The following NANOS3 variants were observed in gnomAD, a reference collection of about 807,000 sequenced individuals.
NANOS3 encodes the protein nanos homolog 3.
In NANOS3, 11 loss-of-function variants were observed where a neutral mutation model predicts 13.8. The ratio of observed to expected loss-of-function variants is 0.80; its 90% CI spans 0.50 to 1.32. The LOEUF (loss-of-function observed/expected upper bound fraction) is 1.32, where lower values mean the gene tolerates loss of function less well. Ranked by LOEUF, NANOS3 falls within the 40% of genes most tolerant of loss-of-function variation. NANOS3 has a pLI of 0.00. For synonymous variants in NANOS3, 119 were observed against 115.4 expected, an observed-to-expected ratio of 1.03 and a Z score of -0.20; for missense variants, 221 against 263.8, an observed-to-expected ratio of 0.84 and a Z score of 1.12.
chr19:13,874,719 TG>T, upstream of NANOS3: 1 of 533,852 alleles, frequency 1.9e-6, no homozygotes, highest in Non-Finnish European at 3.9e-6. Flanking sequence ...GCCAAGGGTT[TG>T]GGGGAACATT....
chr19:13,879,139 C>T (rs1164127461), intron 1 of NANOS3, among the ~76,000 whole-genome samples: 1 of 151,842 alleles, frequency 6.6e-6, no homozygotes, highest in Non-Finnish European at 1.5e-5. Flanking sequence ...GGGATTTCAC[C>T]ATCTTGGCCA....
At chr19:13,878,939 CTTTT>C (rs1316832723) in intron 1 of NANOS3, among the ~76,000 whole-genome samples, 2 of 149,894 alleles carry the variant, frequency 1.3e-5, no homozygotes, top group Non-Finnish European at 3.0e-5. Context: ...TTCTTTCTTT[CTTTT>C]ATTTGATTAT....
upstream of NANOS3, among the ~76,000 whole-genome samples, chr19:13,873,285 G>GGGCTCTCGGGGGCGC (rs1420876531): frequency 2.0e-5 from 3 of 150,518 alleles, no homozygotes; most frequent in Admixed American, 6.6e-5. Flanking sequence ...CTCGGGGGCG[G>GGGCTCTCGGGGGCGC]GGCTCTCGGG....
upstream of NANOS3, among the ~76,000 whole-genome samples, chr19:13,875,658 G>A (rs1049502792): frequency 1.3e-5 from 2 of 151,878 alleles, no homozygotes; most frequent in African/African-American, 4.8e-5. Context: ...TGATCCTCCC[G>A]CCTCAGCCTC....
chr19:13,867,863 A>G (rs1459296099), intron 1 of NANOS3, among the ~76,000 whole-genome samples: 2 of 152,100 alleles, frequency 1.3e-5, no homozygotes, highest in Non-Finnish European at 2.9e-5. Context: ...CCATATGCCC[A>G]TCGTCACCTA....
chr19:13,873,882 G>GT (rs1568364153), upstream of NANOS3, among the ~76,000 whole-genome samples: 1 of 148,224 alleles, frequency 6.7e-6, no homozygotes, highest in Non-Finnish European at 1.5e-5. Flanking sequence ...ATAGGGGTGC[G>GT]TACCTGTAGG....
At chr19:13,869,208 C>G (rs564563456) in intron 1 of NANOS3, among the ~76,000 whole-genome samples, 1 of 152,170 alleles carries the variant, frequency 6.6e-6, no homozygotes, top group Non-Finnish European at 1.5e-5. Context: ...GAGATGAGGT[C>G]TCACTGCGTT....
rs149974206 is a variant in NANOS3 at position 13,870,498 on chromosome 19, T to A, written n.21+5061T>A. Among the ~76,000 whole-genome samples, 4 of 147,938 alleles carry A rather than the reference T, an allele frequency of 2.7e-5. No homozygotes were observed. The East Asian group carries it at 8.4e-4, about 31-fold the overall frequency. On this transcript the variant is annotated intron_variant and non_coding_transcript_variant, in intron 1 of 2. Coordinates refer to the NANOS3 transcript ENST00000591161. ...CTCTGATCCCCCGACTTGTGCCAGC[T>A]GCCCTGCACCTTCCTGGTGCTATGT...
Position 13,880,523 on chromosome 19 carries a change from C to A in NANOS3, c.*20C>A, listed in dbSNP as rs754480295. Reference sequence around the variant, plus strand: ...ACCTAGGAGGCTGCCTACACCTGGGCAAGGGCACCCGGGCTCGGCTGGATT... The same window carrying A: ...ACCTAGGAGGCTGCCTACACCTGGGAAAGGGCACCCGGGCTCGGCTGGATT... On this transcript the variant is annotated 3_prime_UTR_variant, in exon 2 of 2. Transcript: ENST00000339133. 1.2e-6 allele frequency: 2 copies of A among 1,611,300 alleles called. No homozygotes were observed. The highest frequency in any genetic ancestry group is 1.7e-6 in the Non-Finnish European group (2 of 1,178,148).
upstream of NANOS3, among the ~76,000 whole-genome samples, chr19:13,874,030 A>G (rs1408259075): frequency 6.6e-6 from 1 of 152,114 alleles, no homozygotes; most frequent in Non-Finnish European, 1.5e-5. Context: ...GGCAGCCCCC[A>G]CGTGGCTGCG....
chr19:13,867,733 C>A (rs1976263975), intron 1 of NANOS3, among the ~76,000 whole-genome samples: 1 of 151,990 alleles, frequency 6.6e-6, no homozygotes, highest in Non-Finnish European at 1.5e-5. Context: ...ATACAGACCA[C>A]CCCCGCCCAA....
In NANOS3 at chr19:13,880,173, T is replaced by G. The variant is rs537862992; in HGVS notation, c.518-269T>G. On this transcript the variant is annotated intron_variant, in intron 1 of 1. Transcript: ENST00000339133. The stretch of plus-strand genomic sequence containing the variant: ...GCCAGCCTTTCTGATGAACAACTTT[T>G]GGGAGTAACAGATCCGGGGACCCCA... Among the ~76,000 whole-genome samples, 71 of 152,208 alleles carry G rather than the reference T, an allele frequency of 4.7e-4. 1 individual carries two copies. The highest frequency in any genetic ancestry group is 3.0e-3 in the Admixed American group (46 of 15,296).
intron 1 of NANOS3, among the ~76,000 whole-genome samples, chr19:13,869,802 A>G (rs564777896): frequency 6.7e-6 from 1 of 149,868 alleles, no homozygotes; most frequent in Admixed American, 6.6e-5. Flanking sequence ...GCACACACAT[A>G]CAGTTACATA....
Position 13,880,519 on chromosome 19 carries a change from T to TGGGCAAGGGCACCC in NANOS3, c.*21_*34dup, listed in dbSNP as rs1568367095. 1 of 1,611,862 alleles carries TGGGCAAGGGCACCC rather than the reference T, an allele frequency of 6.2e-7. No individual in the cohort carries two copies. Among genetic ancestry groups the TGGGCAAGGGCACCC allele is most frequent in the Non-Finnish European group, 8.5e-7 (1 of 1,178,666 alleles). The stretch of plus-strand genomic sequence containing the variant: ...GTCCACCTAGGAGGCTGCCTACACC[T>TGGGCAAGGGCACCC]GGGCAAGGGCACCCGGGCTCGGCTG... On this transcript the variant is annotated 3_prime_UTR_variant, in exon 2 of 2. Coordinates refer to ENST00000339133, the MANE Select transcript of NANOS3 (RefSeq NM_001098622.3).
upstream of NANOS3, among the ~76,000 whole-genome samples, chr19:13,864,622 G>A (rs966874623): frequency 6.6e-6 from 1 of 152,100 alleles, no homozygotes; most frequent in African/African-American, 2.4e-5. Context: ...GGTACTGTGT[G>A]TGTATGTTGG....
chr19:13,875,717 G>A (rs1252104329), upstream of NANOS3, among the ~76,000 whole-genome samples: 4 of 151,072 alleles, frequency 2.6e-5, no homozygotes, highest in Non-Finnish European at 4.4e-5. Flanking sequence ...AGCTTATTTC[G>A]AAAAAGTGTT....
chr19:13,877,420 C>T lies in NANOS3; in HGVS notation c.172C>T (p.Pro58Ser), dbSNP rs770137086. ...PMPAPESVPV[P>S]GPKDQKRSLE... is the part of the protein sequence containing the mutation. ...GCCAGCGCCGGAGTCGGTGCCAGTG[C>T]CGGGACCCAAGGATCAGAAGCGCAG... Residue 58 changes from proline to serine, a missense_variant, in exon 1 of 2, where the codon CCG becomes TCG. Pro to Ser is a moderately conservative substitution (Grantham distance 74). Around this residue, in one of 3 missense-constraint regions of NANOS3, gnomAD observed 112 missense variants for 116.3 expected, o/e 0.96. Transcript: ENST00000339133. 3.7e-6 allele frequency: 6 copies of T among 1,612,256 alleles called. No homozygotes were observed. In the South Asian group the frequency reaches 5.5e-5, roughly 15 times the overall value.
chr19:13,868,620 T>G (rs1283737988), intron 1 of NANOS3, among the ~76,000 whole-genome samples: 3 of 150,998 alleles, frequency 2.0e-5, no homozygotes, highest in Non-Finnish European at 2.9e-5. Flanking sequence ...AGTTTGAGAT[T>G]GCAGTGAGCT....
At chr19:13,879,103 CTAA>C (rs1303504485) in intron 1 of NANOS3, among the ~76,000 whole-genome samples, 1 of 152,024 alleles carries the variant, frequency 6.6e-6, no homozygotes, top group Non-Finnish European at 1.5e-5. Flanking sequence ...CCACGCACGG[CTAA>C]TTTTTGTATT....
Sources: gnomAD v4.1 joint callset for allele counts (sites outside exome capture counted in the v4.1 genomes callset) on GRCh38, gnomAD v4.1.1 for gene constraint, gnomAD v4.1.1 regional missense constraint, MANE v1.5 for transcripts, NCBI Gene and HGNC (gene_info 2026-07-23, HGNC 2026-07-21) for gene names.